ZNF664: variants seen among roughly 807,000 people sequenced by gnomAD.
ZNF664 encodes the protein zinc finger Organ of Corti 1.
A neutral mutation model predicts 18.2 loss-of-function variants in ZNF664; 10 were observed. That is an observed-to-expected ratio of 0.55 (90% CI 0.34 to 0.93). The LOEUF is 0.93. Ranked by LOEUF, ZNF664 falls within the 40% of genes least tolerant of loss-of-function variation. ZNF664 has a pLI of 0.02. For synonymous variants in ZNF664, 119 were observed against 104.2 expected (o/e 1.14, Z -0.86); for missense variants, 193 against 319.0 (o/e 0.61, Z 3.01).
At chr12:123,981,818 C>T (rs546096645) in intron 2 of ZNF664, among the ~76,000 whole-genome samples, 5 of 152,330 alleles carry the variant, frequency 3.3e-5, no homozygotes, top group Non-Finnish European at 5.9e-5. Context: ...AGATACTATA[C>T]ATAGCTATGG....
chr12:124,007,553 C>G (rs1412985941), intron 3 of ZNF664, among the ~76,000 whole-genome samples: 1 of 152,206 alleles, frequency 6.6e-6, no homozygotes, highest in Non-Finnish European at 1.5e-5. Context: ...TGTTCATTCT[C>G]CTGTGCTCAG....
At chr12:124,004,365 TC>T (rs1425175945) in intron 3 of ZNF664, among the ~76,000 whole-genome samples, 1 of 152,136 alleles carries the variant, frequency 6.6e-6, no homozygotes, top group Non-Finnish European at 1.5e-5. Flanking sequence ...AAGAAAAGGT[TC>T]CATAGGATTA....
At chr12:123,973,652 C>G (rs1298282545) in intron 1 of ZNF664, 1 of 613,064 alleles carries the variant, frequency 1.6e-6, no homozygotes, top group Non-Finnish European at 2.2e-6. Flanking sequence ...GAGGGCTGGG[C>G]AGCGGGCAGG....
At chr12:123,994,420 T>G (rs1417489463) in intron 3 of ZNF664, among the ~76,000 whole-genome samples, 1 of 152,240 alleles carries the variant, frequency 6.6e-6, no homozygotes, top group Non-Finnish European at 1.5e-5. Context: ...CATTACATGC[T>G]AACATAAATG....
At chr12:124,010,131 A>G (rs1487296140) in intron 3 of ZNF664, among the ~76,000 whole-genome samples, 1 of 152,212 alleles carries the variant, frequency 6.6e-6, no homozygotes, top group African/African-American at 2.4e-5. Context: ...TATTACTAGG[A>G]CAAAGGATAG....
chr12:124,003,218 T>C (rs1418359600), intron 3 of ZNF664, among the ~76,000 whole-genome samples: 1 of 152,042 alleles, frequency 6.6e-6, no homozygotes, highest in African/African-American at 2.4e-5. Flanking sequence ...ACAGTGGCAA[T>C]GAGAGGGAGT....
At chr12:123,984,985 G>A (rs2138351107) in intron 2 of ZNF664, among the ~76,000 whole-genome samples, 2 of 152,208 alleles carry the variant, frequency 1.3e-5, no homozygotes, top group South Asian at 4.2e-4. Flanking sequence ...GAGCCGAGGA[G>A]ACCGTAGACT....
chr12:124,000,336 C>G (rs1956996953), intron 3 of ZNF664, among the ~76,000 whole-genome samples: 1 of 152,158 alleles, frequency 6.6e-6, no homozygotes, highest in Non-Finnish European at 1.5e-5. Context: ...CTGTCAGTTT[C>G]TACTTAAACA....
At position 123,973,340 on chromosome 12, in the gene ZNF664, C is replaced by T. The variant is rs1178440142; in HGVS notation, c.-904C>T. 2 of 984,114 alleles carry T rather than the reference C, an allele frequency of 2.0e-6. No homozygotes were observed. The highest frequency in any genetic ancestry group is 2.4e-6 in the Non-Finnish European group (2 of 829,800). The allele number at this position is 984,114 out of a possible 1,614,324, so 61.0% of individuals were successfully genotyped here. On this transcript the variant is annotated 5_prime_UTR_variant, in exon 1 of 5. Transcript: ENST00000337815. ...GCGCCCGCGGCCTGGGGCGCTGACTCCCCTCACTTGGAGTGAGTTCTCGGC... is the reference window on the plus strand; with the variant it reads ...GCGCCCGCGGCCTGGGGCGCTGACTTCCCTCACTTGGAGTGAGTTCTCGGC...
chr12:124,011,809 A>G lies in ZNF664; in HGVS notation c.-336A>G. 1 of 1,123,506 alleles carries G rather than the reference A, an allele frequency of 8.9e-7. No homozygotes were observed. Among genetic ancestry groups the G allele is most frequent in the Non-Finnish European group, 1.1e-6 (1 of 922,400 alleles). The allele number at this position is 1,123,506 out of a possible 1,614,324, so 69.6% of individuals were successfully genotyped here. ...ACAAGAGGAAGATTCCAGGGGCTCA[A>G]AAACGCAAAGGTTTGCACTTTGAGA... On this transcript the variant is annotated 5_prime_UTR_variant, in exon 5 of 5. Coordinates refer to ENST00000337815, the MANE Select transcript of ZNF664 (RefSeq NM_152437.3).
chr12:123,986,429 C>T (rs1956826466), intron 2 of ZNF664, among the ~76,000 whole-genome samples: 2 of 152,134 alleles, frequency 1.3e-5, no homozygotes, highest in African/African-American at 4.8e-5. Context: ...TTGTTTTTCC[C>T]TCCTCTGTAT....
intron 2 of ZNF664, among the ~76,000 whole-genome samples, chr12:123,979,873 G>A (rs1270936665): frequency 6.6e-6 from 1 of 151,890 alleles, no homozygotes; most frequent in Non-Finnish European, 1.5e-5. Flanking sequence ...TTGTAGAGAC[G>A]GAGTCTCACC....
chr12:123,976,877 G>A (rs574468327), intron 2 of ZNF664, among the ~76,000 whole-genome samples: 8 of 152,102 alleles, frequency 5.3e-5, no homozygotes, highest in Non-Finnish European at 8.8e-5. Context: ...TCAGGAGACC[G>A]AGACCATCCT....
intron 3 of ZNF664, among the ~76,000 whole-genome samples, chr12:124,000,440 A>G (rs1296296273): frequency 6.6e-6 from 1 of 151,900 alleles, no homozygotes; most frequent in East Asian, 1.9e-4. Flanking sequence ...TCCTGTCTCC[A>G]TTGGCCCTTT....
chr12:123,994,558 C>T (rs753413823), intron 3 of ZNF664, among the ~76,000 whole-genome samples: 1 of 152,194 alleles, frequency 6.6e-6, no homozygotes, highest in African/African-American at 2.4e-5. Context: ...TATATTCAGT[C>T]TCTTGCAATA....
intron 3 of ZNF664, among the ~76,000 whole-genome samples, chr12:124,000,162 C>T (rs934062222): frequency 1.3e-5 from 2 of 152,204 alleles, no homozygotes; most frequent in African/African-American, 4.8e-5. Context: ...CATGCCCACC[C>T]TCGATGCTGC....
chr12:124,014,044 C>T lies in ZNF664; in HGVS notation c.*1114C>T, dbSNP rs1358379394. On this transcript the variant is annotated 3_prime_UTR_variant, in exon 5 of 5. Coordinates refer to ENST00000337815, the MANE Select transcript of ZNF664 (RefSeq NM_152437.3). ...CTGGGAATACCACTGATGAGACAGA[C>T]AAGGTCCCTACTCTTGTGGAGTTTA... 1 of 167,126 alleles carries T rather than the reference C, an allele frequency of 6.0e-6. No individual in the cohort carries two copies. The highest frequency in any genetic ancestry group is 1.5e-5 in the Non-Finnish European group (1 of 68,146). The allele number at this position is 167,126 out of a possible 1,614,324, so 10.4% of individuals were successfully genotyped here.
At chr12:123,997,015 C>CTTGGGAGACAGAAGCA (rs1566202925) in intron 3 of ZNF664, among the ~76,000 whole-genome samples, 1 of 151,914 alleles carries the variant, frequency 6.6e-6, no homozygotes, top group Non-Finnish European at 1.5e-5. Flanking sequence ...TTTTTGTTTC[C>CTTGGGAGACAGAAGCA]TTGGGAGACA....
chr12:123,980,748 A>G (rs1041246452), intron 2 of ZNF664, among the ~76,000 whole-genome samples: 2 of 152,244 alleles, frequency 1.3e-5, no homozygotes, highest in Non-Finnish European at 2.9e-5. Context: ...AATGGCAAAA[A>G]TATGTAGAAG....
Sources: allele counts gnomAD v4.1 joint callset (sites outside exome capture counted in the v4.1 genomes callset), GRCh38; gene constraint gnomAD v4.1.1; transcripts MANE v1.5; gene names NCBI Gene and HGNC (gene_info 2026-07-23, HGNC 2026-07-21).